CPS1: variants seen among roughly 807,000 people sequenced by gnomAD.
The protein encoded by CPS1 is carbamoyl-phosphate synthase [ammonia], mitochondrial.
In CPS1, 109 loss-of-function variants were observed where a neutral mutation model predicts 174.6. The ratio of observed to expected loss-of-function variants is 0.62; its 90% confidence interval spans 0.53 to 0.73. The LOEUF is 0.73. Ranked by LOEUF, CPS1 falls within the 30% of genes least tolerant of loss-of-function variation. CPS1 has a pLI of 0.00. For synonymous variants in CPS1, 637 were observed against 632.0 expected, an observed-to-expected ratio of 1.01 and a Z score of -0.12; for missense variants, 1,689 against 1,821.9, an observed-to-expected ratio of 0.93 and a Z score of 1.33.
chr2:210,572,130 C>G (rs979491462), intron 1 of CPS1, among the ~76,000 whole-genome samples: 1 of 151,816 alleles, frequency 6.6e-6, no homozygotes, highest in South Asian at 2.1e-4. Flanking sequence ...CCTGTCTATC[C>G]CCCTGACTGC....
chr2:210,654,164 T>C, intron 29 of CPS1, 62 bp downstream of exon 29: 1 of 1,412,642 alleles, frequency 7.1e-7, no homozygotes, highest in Admixed American at 1.7e-5. Context: ...CTTTAACAAT[T>C]TTGAAATATT....
rs192243301 is a variant in CPS1, at chr2:210,559,389, C to T, written c.126+2530C>T. On this transcript the variant is annotated intron_variant, in intron 1 of 37. Transcript: ENST00000233072. ...TTGATGACAGAGACGGTGGGTTTGA[C>T]GACAGCAATGACGCACTTATAATTT... 1.2e-3 allele frequency among the ~76,000 whole-genome samples: 177 copies of T among 152,092 alleles called. 1 individual carries two copies. The highest frequency in any genetic ancestry group is 1.8e-3 in the Non-Finnish European group (123 of 67,982).
chr2:210,640,748 A>G lies in CPS1; in HGVS notation c.2959+689A>G, dbSNP rs143873426. Reference sequence around the variant, plus strand: ...TTTGAATATATTTAAATCTTATTCTATTACTTTAAGCATAGTTTATTTAGT... The same window carrying G: ...TTTGAATATATTTAAATCTTATTCTGTTACTTTAAGCATAGTTTATTTAGT... On this transcript the variant is annotated intron_variant, in intron 24 of 37. Coordinates refer to ENST00000233072, the MANE Select transcript of CPS1 (RefSeq NM_001875.5). Among the ~76,000 whole-genome samples, 937 of 152,308 alleles carry G rather than the reference A, an allele frequency of 6.2e-3. 6 individuals carry two copies. The highest frequency in any genetic ancestry group is 0.017 in the Middle Eastern group (5 of 292).
chr2:210,576,350 C>G lies in CPS1; in HGVS notation c.241C>G (p.Pro81Ala). The change falls in exon 3 of 38, where the codon CCA (proline) becomes GCA (alanine). Residue 81 changes from proline (P) to alanine (A), a missense_variant. Physicochemically the swap from Pro to Ala is conservative, Grantham distance 27. Coordinates refer to ENST00000233072, the MANE Select transcript of CPS1 (RefSeq NM_001875.5). ...VVFNTGLGGY[P>A]EAITDPAYKG... ...TTTTTTGGCATGTTTACCCAGGTAC[C>G]CAGAAGCTATTACTGACCCTGCCTA... 1.2e-6 allele frequency: 2 copies of G among 1,613,382 alleles called. No homozygotes were observed. The highest frequency in any genetic ancestry group is 1.7e-6 in the Non-Finnish European group (2 of 1,179,578).
At chr2:210,577,688 TGATGA>T (rs1697760202) in intron 4 of CPS1, among the ~76,000 whole-genome samples, 178 bp downstream of exon 4, 1 of 152,186 alleles carries the variant, frequency 6.6e-6, no homozygotes, top group Non-Finnish European at 1.5e-5. Context: ...CCTTAAATGC[TGATGA>T]GCACATATTT....
In CPS1 at chr2:210,518,612, A is replaced by G. The variant is rs574225876; in HGVS notation, c.4-38107A>G. 5.3e-5 allele frequency among the ~76,000 whole-genome samples: 8 copies of G among 152,178 alleles called. No individual in the cohort carries two copies. The South Asian group carries it at 1.4e-3, about 28-fold the overall frequency. ...TGGACCTTGGGAAAGGAAGTCACGT[A>G]AGAAAAGGAACAGGGTCTCATTCTG... On this transcript the variant is annotated intron_variant, in intron 1 of 38. Coordinates refer to the CPS1 transcript ENST00000430249.
chr2:210,658,796 G>A, intron 31 of CPS1, 108 bp downstream of exon 31: 2 of 792,512 alleles, frequency 2.5e-6, no homozygotes, highest in Admixed American at 3.9e-5. Context: ...GAGCAACTGA[G>A]ACCCCTGGAT....
intron 1 of CPS1, among the ~76,000 whole-genome samples, chr2:210,504,770 G>A (rs1489900069): frequency 6.6e-6 from 1 of 152,180 alleles, no homozygotes; most frequent in Non-Finnish European, 1.5e-5. Context: ...CCATGCTGGA[G>A]GACCTAAGTA....
intron 21 of CPS1, among the ~76,000 whole-genome samples, chr2:210,627,227 G>A (rs1486754322): frequency 1.3e-5 from 2 of 152,112 alleles, no homozygotes; most frequent in East Asian, 3.9e-4. Flanking sequence ...GCCCCAGCAA[G>A]TCACCTTTGA....
At chr2:210,636,964 T>C (rs1234939609) in intron 21 of CPS1, among the ~76,000 whole-genome samples, 1 of 152,210 alleles carries the variant, frequency 6.6e-6, no homozygotes, top group African/African-American at 2.4e-5. Context: ...AGATGGGTGA[T>C]ATTAGTAAGT....
chr2:210,653,282 C>T (rs1298513085), intron 28 of CPS1, among the ~76,000 whole-genome samples: 1 of 152,020 alleles, frequency 6.6e-6, no homozygotes, highest in African/African-American at 2.4e-5. Flanking sequence ...GGAGATCTTC[C>T]CTCAACCTCT....
intron 1 of CPS1, among the ~76,000 whole-genome samples, chr2:210,510,211 G>C (rs1452062923): frequency 1.3e-5 from 2 of 152,126 alleles, no homozygotes; most frequent in Non-Finnish European, 1.5e-5. Flanking sequence ...AGAGCCCTCA[G>C]AAATAATGCC....
intron 15 of CPS1, 88 bp downstream of exon 15, chr2:210,600,800 A>G (rs1698697387): frequency 1.4e-6 from 2 of 1,399,164 alleles, no homozygotes; most frequent in African/African-American, 1.4e-5. Flanking sequence ...AATAATAGTT[A>G]AGATTATTAT....
chr2:210,625,192 G>T (rs557448392), intron 21 of CPS1, among the ~76,000 whole-genome samples: 12 of 151,620 alleles, frequency 7.9e-5, no homozygotes, highest in Admixed American at 6.6e-4. Context: ...AGACCAAATG[G>T]TATTTGTTCT....
intron 1 of CPS1, among the ~76,000 whole-genome samples, chr2:210,521,607 G>C (rs1044611033): frequency 4.6e-5 from 7 of 151,842 alleles, no homozygotes. Context: ...TATATACTTT[G>C]GAGTTAATCC....
chr2:210,593,594 GAA>G (rs1415986121), intron 11 of CPS1: 2 of 985,312 alleles, frequency 2.0e-6, no homozygotes, highest in Non-Finnish European at 2.4e-6. Context: ...AGAAAAATCT[GAA>G]GTCTATTGTG....
At chr2:210,615,526 C>T (rs578205467) in intron 20 of CPS1, among the ~76,000 whole-genome samples, 7 of 152,044 alleles carry the variant, frequency 4.6e-5, no homozygotes, top group South Asian at 2.1e-4. Context: ...GTCTTAAAAA[C>T]GCAGTGTGTT....
In CPS1 at chr2:210,658,287, A is replaced by C. The variant is rs1302538112; in HGVS notation, c.3667-312A>C. The C allele has an allele frequency of 1.1e-5, 4 of 352,394 alleles. No individual in the cohort carries two copies. The East Asian group carries it at 2.9e-4, about 25-fold the overall frequency. 21.8% of individuals were successfully genotyped at this position (352,394 alleles called of 1,614,324 possible). A position where few individuals can be genotyped will look rare whatever the true frequency, so the allele number is the denominator to read the frequency against. On this transcript the variant is annotated intron_variant, in intron 30 of 37. Coordinates refer to ENST00000233072, the MANE Select transcript of CPS1 (RefSeq NM_001875.5). ...CAGTTTCTGGTGCTAAGGCAACTAG[A>C]CTGAAAGGATTTCATTTAACCCTCA...
At chr2:210,604,593 T>G (rs538049555) in intron 16 of CPS1, among the ~76,000 whole-genome samples, 1 of 152,116 alleles carries the variant, frequency 6.6e-6, no homozygotes, top group African/African-American at 2.4e-5. Context: ...TCAAGTTTTA[T>G]ATGCCATCTT....
Sources: gnomAD v4.1 joint callset for allele counts (sites outside exome capture counted in the v4.1 genomes callset) on GRCh38, gnomAD v4.1.1 for gene constraint, MANE v1.5 for transcripts, NCBI Gene and HGNC (gene_info 2026-07-23, HGNC 2026-07-21) for gene names.